Variants in ZNF638 observed in about 807,000 individuals in gnomAD.
ZNF638 encodes zinc finger protein 638.
Under a neutral mutation model 195.6 loss-of-function variants are expected in ZNF638, and 46 were observed. That is an observed-to-expected ratio of 0.24 (90% CI 0.19 to 0.30). The LOEUF (loss-of-function observed/expected upper bound fraction) is 0.30. Among genes scored for constraint, ZNF638 ranks in the 10% least tolerant of loss-of-function variants. ZNF638 has a pLI of 1.00. For synonymous variants in ZNF638, 845 were observed against 772.0 expected, an observed-to-expected ratio of 1.09 and a Z score of -1.57; for missense variants, 2,440 against 2,325.3, an observed-to-expected ratio of 1.05 and a Z score of -1.01.
At chr2:71,393,001 A>T (rs2079814963) in intron 10 of ZNF638, among the ~76,000 whole-genome samples, 1 of 152,184 alleles carries the variant, frequency 6.6e-6, no homozygotes, top group Non-Finnish European at 1.5e-5. Context: ...GGGGTGGCCC[A>T]CAAAAATTAA....
At chr2:71,405,979 G>T in intron 18 of ZNF638, 149 bp from the exon 19 acceptor site, 1 of 814,164 alleles carries the variant, frequency 1.2e-6, no homozygotes, top group Non-Finnish European at 1.9e-6. Flanking sequence ...GTAAAATTAA[G>T]ACCTCACTGT....
intron 23 of ZNF638, among the ~76,000 whole-genome samples, chr2:71,425,472 T>C (rs1026414065): frequency 5.9e-5 from 9 of 152,202 alleles, no homozygotes; most frequent in African/African-American, 2.2e-4. Context: ...AATGTCGTTA[T>C]TATATATAAT....
chr2:71,392,510 C>T (rs114594715), intron 10 of ZNF638, among the ~76,000 whole-genome samples: 704 of 152,300 alleles, frequency 4.6e-3, no homozygotes, highest in Middle Eastern at 0.017. Flanking sequence ...AGTCCACTCT[C>T]GAGCCTACCC....
intron 8 of ZNF638, among the ~76,000 whole-genome samples, chr2:71,377,103 T>C (rs1032161308): frequency 3.3e-5 from 5 of 152,050 alleles, no homozygotes; most frequent in African/African-American, 9.7e-5. Flanking sequence ...TGAGCTCTTA[T>C]CTCTTCAAAA....
intron 27 of ZNF638, among the ~76,000 whole-genome samples, chr2:71,434,271 T>C (rs1466218063): frequency 6.6e-6 from 1 of 152,154 alleles, no homozygotes; most frequent in African/African-American, 2.4e-5. Context: ...TGCTGTTCTT[T>C]TGCCCCTTCC....
chr2:71,398,708 A>G lies in ZNF638; in HGVS notation c.2436A>G (p.Ser812=). 6.2e-7 allele frequency: 1 copy of G among 1,613,362 alleles called. No individual in the cohort carries two copies. Among genetic ancestry groups the G allele is most frequent in the Non-Finnish European group, 8.5e-7 (1 of 1,179,470 alleles). Reference sequence around the variant, plus strand: ...GCATCTTTTGTGATTTAGGGAAATCAGCAAGTTCTGTAAAATCTGTGGTAA... The same window carrying G: ...GCATCTTTTGTGATTTAGGGAAATCGGCAAGTTCTGTAAAATCTGTGGTAA... ...VAKVNKSTGK[S]ASSVKSVVTV... Residue 812 remains serine, a synonymous_variant, in exon 12 of 28, where the codon TCA becomes TCG. Transcript: ENST00000264447.
chr2:71,388,601 T>C (rs1312998321), intron 10 of ZNF638: 9 of 788,568 alleles, frequency 1.1e-5, no homozygotes, highest in Admixed American at 1.7e-5. Flanking sequence ...CTGCGTACTT[T>C]TTTCATCCGT....
intron 10 of ZNF638, among the ~76,000 whole-genome samples, chr2:71,387,188 A>G (rs944336985): frequency 6.6e-6 from 1 of 152,204 alleles, no homozygotes; most frequent in Non-Finnish European, 1.5e-5. Context: ...ATTAAAATAT[A>G]TTACAAAGTT....
chr2:71,420,713 G>A (rs149937741), intron 21 of ZNF638, among the ~76,000 whole-genome samples: 45 of 152,184 alleles, frequency 3.0e-4, no homozygotes, highest in African/African-American at 9.6e-4. Flanking sequence ...TCATTTGATC[G>A]TTACAAAGAG....
intron 11 of ZNF638, among the ~76,000 whole-genome samples, chr2:71,396,930 G>C (rs2079905509): frequency 6.6e-6 from 1 of 152,174 alleles, no homozygotes; most frequent in African/African-American, 2.4e-5. Flanking sequence ...CTAGGGGACA[G>C]AGTGAGACTC....
intron 9 of ZNF638, 42 bp from the exon 10 acceptor site, chr2:71,380,471 G>A (rs767048545): frequency 1.3e-6 from 2 of 1,534,370 alleles, no homozygotes; most frequent in Admixed American, 2.0e-5. Context: ...GTAGAACTTA[G>A]AATTCCTAAG....
intron 15 of ZNF638, 44 bp downstream of exon 15, chr2:71,400,562 T>A (rs768179942): frequency 6.7e-7 from 1 of 1,503,522 alleles, no homozygotes; most frequent in Non-Finnish European, 9.0e-7. Context: ...CTCAAGACAT[T>A]TTAACAAAAG....
chr2:71,361,647 T>C (rs1031767509), intron 3 of ZNF638: 9 of 152,150 alleles, frequency 5.9e-5, no homozygotes, highest in Admixed American at 2.0e-4. Context: ...CTTCACAGTT[T>C]GTCCTCTCAT....
At position 71,427,384 on chromosome 2, in the gene ZNF638, C is replaced by T. The variant is rs752032123; in HGVS notation, c.5515C>T (p.Leu1839=). Residue 1839 remains leucine (L), a synonymous_variant, in exon 24 of 28, where the codon CTA becomes TTA. Coordinates refer to ENST00000264447, the MANE Select transcript of ZNF638 (RefSeq NM_014497.5). ...PVNENVMEED[L]KTMIERHLTA... ...AAATGAGAATGTTATGGAAGAAGAT[C>T]TAAAAACCATGATTGAAAGACACTT... The T allele has an allele frequency of 6.3e-7, 1 of 1,577,584 alleles. No individual in the cohort carries two copies. Among genetic ancestry groups the T allele is most frequent in the Non-Finnish European group, 8.6e-7 (1 of 1,169,232 alleles).
chr2:71,406,245 A>G lies in ZNF638; in HGVS notation c.3118A>G (p.Ile1040Val). ...QFGKVDHHVF[I>V]SNRNKAILQL... is the part of the protein sequence containing the mutation. ...TGGAAAAGTGGATCACCATGTATTCATAAGTAATAGAAACAAGGTAACAAG... is the reference window on the plus strand; with the variant it reads ...TGGAAAAGTGGATCACCATGTATTCGTAAGTAATAGAAACAAGGTAACAAG... Residue 1040 changes from isoleucine to valine, a missense_variant, in exon 19 of 28, where the codon ATA (isoleucine) becomes GTA (valine). Physicochemically the swap from Ile to Val is conservative, Grantham distance 29. Transcript: ENST00000264447. 2 of 1,612,276 alleles carry G rather than the reference A, an allele frequency of 1.2e-6. No homozygotes were observed.
chr2:71,384,883 CTT>C (rs1252627395), intron 10 of ZNF638, among the ~76,000 whole-genome samples: 6 of 151,772 alleles, frequency 4.0e-5, no homozygotes, highest in Non-Finnish European at 8.8e-5. Context: ...GAGATCACCT[CTT>C]GTTTATTTGC....
chr2:71,343,858 C>T (rs939727011), intron 1 of ZNF638, among the ~76,000 whole-genome samples: 3 of 151,842 alleles, frequency 2.0e-5, no homozygotes, highest in Non-Finnish European at 4.4e-5. Flanking sequence ...CCGCCAGGCG[C>T]GGTGGCTCAT....
At chr2:71,392,655 G>A (rs949038095) in intron 10 of ZNF638, among the ~76,000 whole-genome samples, 4 of 152,010 alleles carry the variant, frequency 2.6e-5, no homozygotes, top group Non-Finnish European at 5.9e-5. Flanking sequence ...AGCTTATGAC[G>A]TCACTGCTTG....
intron 5 of ZNF638, 75 bp from the exon 6 acceptor site, chr2:71,365,354 T>C: frequency 8.2e-7 from 1 of 1,215,018 alleles, no homozygotes; most frequent in Non-Finnish European, 1.1e-6. Context: ...AGAATAGCAC[T>C]ATGTGATTAT....
Sources: allele counts gnomAD v4.1 joint callset (sites outside exome capture counted in the v4.1 genomes callset), GRCh38; gene constraint gnomAD v4.1.1; transcripts MANE v1.5; gene names NCBI Gene and HGNC (gene_info 2026-07-23, HGNC 2026-07-21).